The following ZEB1 variants were observed in gnomAD, a reference collection of about 807,000 sequenced individuals.
ZEB1 encodes the protein zinc finger E-box-binding homeobox 1.
ZEB1 carries 21 observed loss-of-function variants against 84.9 expected under a neutral mutation model. The observed-to-expected ratio is 0.25, with a 90% confidence interval of 0.18 to 0.36. The LOEUF (loss-of-function observed/expected upper bound fraction) is 0.36, where lower values mean the gene tolerates loss of function less well. Ranked by LOEUF, ZEB1 falls within the 10% of genes least tolerant of loss-of-function variation. The pLI is 1.00. For synonymous variants in ZEB1, 420 were observed against 471.1 expected (o/e 0.89, Z 1.41); for missense variants, 1,104 against 1,330.2 (o/e 0.83, Z 2.65).
intron 1 of ZEB1, among the ~76,000 whole-genome samples, chr10:31,347,119 T>C (rs891673227): frequency 6.6e-6 from 1 of 152,158 alleles, no homozygotes; most frequent in African/African-American, 2.4e-5. Context: ...ATTTTTTAAC[T>C]ACCTTCAAGT....
chr10:31,381,203 A>G (rs2047565491), intron 1 of ZEB1, among the ~76,000 whole-genome samples: 1 of 152,200 alleles, frequency 6.6e-6, no homozygotes, highest in South Asian at 2.1e-4. Flanking sequence ...TAAAACTAAA[A>G]TATTTCATTT....
intron 2 of ZEB1, among the ~76,000 whole-genome samples, chr10:31,485,379 A>G (rs1013569513): frequency 4.0e-5 from 6 of 151,836 alleles, no homozygotes; most frequent in Non-Finnish European, 5.9e-5. Context: ...CCCAAAGTCT[A>G]CTCACGGACC....
intron 8 of ZEB1, among the ~76,000 whole-genome samples, chr10:31,525,517 T>C (rs558309061): frequency 6.6e-6 from 1 of 152,252 alleles, no homozygotes; most frequent in African/African-American, 2.4e-5. Flanking sequence ...TCCAGCACAC[T>C]CCTGTGTCTC....
chr10:31,468,136 C>G (rs1018626032), intron 2 of ZEB1, among the ~76,000 whole-genome samples: 3 of 152,172 alleles, frequency 2.0e-5, no homozygotes, highest in Non-Finnish European at 4.4e-5. Context: ...CCCTACAGCC[C>G]TACCAAGGTC....
At chr10:31,408,944 C>G (rs1440072488) in intron 1 of ZEB1, among the ~76,000 whole-genome samples, 1 of 150,334 alleles carries the variant, frequency 6.7e-6, no homozygotes, top group Non-Finnish European at 1.5e-5. Context: ...AAACTACCAT[C>G]AGAGTGAACA....
intron 2 of ZEB1, among the ~76,000 whole-genome samples, chr10:31,478,418 T>C (rs1171699135): frequency 6.6e-6 from 1 of 151,994 alleles, no homozygotes; most frequent in Non-Finnish European, 1.5e-5. Context: ...TGCAAATTAG[T>C]ACAACCGCTA....
rs1424074584 is a variant in ZEB1 at position 31,418,162 on chromosome 10, C to T, written c.59-42875C>T. 2.6e-5 allele frequency among the ~76,000 whole-genome samples: 4 copies of T among 151,966 alleles called. 1 individual carries two copies. Among genetic ancestry groups the T allele is most frequent in the Admixed American group, 2.0e-4 (3 of 15,252 alleles). On this transcript the variant is annotated intron_variant, in intron 1 of 8. Coordinates refer to ENST00000424869, the MANE Select transcript of ZEB1 (RefSeq NM_001174096.2). ...ACCTGGAAGTCAAATATCCAGCATG[C>T]ACTCCCTAAAGAGTGCCACCCTAAA...
At chr10:31,481,673 A>G (rs1295398556) in intron 2 of ZEB1, among the ~76,000 whole-genome samples, 2 of 151,984 alleles carry the variant, frequency 1.3e-5, no homozygotes, top group Non-Finnish European at 2.9e-5. Flanking sequence ...ATGAATGACT[A>G]AATGAATGAA....
intron 1 of ZEB1, among the ~76,000 whole-genome samples, chr10:31,455,798 A>T (rs1465731733): frequency 6.6e-6 from 1 of 152,222 alleles, no homozygotes; most frequent in Non-Finnish European, 1.5e-5. Context: ...GAACACTTTT[A>T]CACTGTTGTG....
intron 1 of ZEB1, among the ~76,000 whole-genome samples, chr10:31,322,299 G>A (rs2034303983): frequency 6.6e-6 from 1 of 152,216 alleles, no homozygotes; most frequent in Non-Finnish European, 1.5e-5. Flanking sequence ...AGTTGCAGAT[G>A]TTTATTGGAG....
At chr10:31,488,759 A>C (rs1003393685) in intron 2 of ZEB1, among the ~76,000 whole-genome samples, 1 of 151,118 alleles carries the variant, frequency 6.6e-6, no homozygotes, top group Non-Finnish European at 1.5e-5. Context: ...TCTCTAAATC[A>C]GTTTATTAAT....
chr10:31,484,741 A>G (rs1379962942), intron 2 of ZEB1, among the ~76,000 whole-genome samples: 1 of 151,984 alleles, frequency 6.6e-6, no homozygotes, highest in Non-Finnish European at 1.5e-5. Flanking sequence ...ACAGAAAAGG[A>G]ATGATAATGA....
At chr10:31,423,921 A>G (rs2056569882) in intron 1 of ZEB1, among the ~76,000 whole-genome samples, 1 of 152,040 alleles carries the variant, frequency 6.6e-6, no homozygotes, top group South Asian at 2.1e-4. Context: ...CTCCAGAATA[A>G]TAAGGATAGT....
Position 31,523,657 on chromosome 10 carries a change from G to T in ZEB1, c.2605-276G>T, listed in dbSNP as rs149624303. Among the ~76,000 whole-genome samples, 533 of 152,246 alleles carry T rather than the reference G, an allele frequency of 3.5e-3. 6 individuals carry two copies. Among genetic ancestry groups the T allele is most frequent in the Middle Eastern group, 0.017 (5 of 294 alleles). On this transcript the variant is annotated intron_variant, in intron 7 of 8. Transcript: ENST00000424869. ...ATATTTTACATGCTTTCTTTTCGGTGTCCTTGCTTTCTTTCCAGTACCAGT... is the reference window on the plus strand; with the variant it reads ...ATATTTTACATGCTTTCTTTTCGGTTTCCTTGCTTTCTTTCCAGTACCAGT...
At chr10:31,504,323 T>G (rs1472465508) in intron 4 of ZEB1, among the ~76,000 whole-genome samples, 1 of 152,124 alleles carries the variant, frequency 6.6e-6, no homozygotes, top group South Asian at 2.1e-4. Flanking sequence ...TGTGTGTCTG[T>G]TTTTTACTAA....
In ZEB1 at chr10:31,368,872, G is replaced by T. The variant is rs144839203; in HGVS notation, c.58+49580G>T. 3.6e-3 allele frequency among the ~76,000 whole-genome samples: 547 copies of T among 152,274 alleles called. 2 individuals are homozygous for T. The highest frequency in any genetic ancestry group is 0.013 in the African/African-American group (524 of 41,558). ...ACTGCCTGTCCAAAATAATTTTGATGAATGATTTTAGGTGTTGCCTAATAA... is the reference window on the plus strand; with the variant it reads ...ACTGCCTGTCCAAAATAATTTTGATTAATGATTTTAGGTGTTGCCTAATAA... On this transcript the variant is annotated intron_variant, in intron 1 of 8. Coordinates refer to ENST00000424869, the MANE Select transcript of ZEB1 (RefSeq NM_001174096.2).
At chr10:31,427,072 T>C (rs1414958023) in intron 1 of ZEB1, among the ~76,000 whole-genome samples, 3 of 151,828 alleles carry the variant, frequency 2.0e-5, no homozygotes, top group African/African-American at 2.4e-5. Context: ...TTACAAGATA[T>C]CAAAATATGT....
chr10:31,365,595 A>G (rs1335383214), intron 1 of ZEB1, among the ~76,000 whole-genome samples: 1 of 152,196 alleles, frequency 6.6e-6, no homozygotes, highest in Non-Finnish European at 1.5e-5. Context: ...CATACCTTAT[A>G]CTGTTGAGTT....
intron 1 of ZEB1, among the ~76,000 whole-genome samples, chr10:31,327,099 C>CTTTTTTTTTTTTTTT (rs71527629): frequency 3.8e-4 from 32 of 84,920 alleles, no homozygotes; most frequent in African/African-American, 6.2e-4. Context: ...CTTTTCTTTT[C>CTTTTTTTTTTTTTTT]TTTTTTTTTT....
Sources: gnomAD v4.1 joint callset for allele counts (sites outside exome capture counted in the v4.1 genomes callset) on GRCh38, gnomAD v4.1.1 for gene constraint, MANE v1.5 for transcripts, NCBI Gene and HGNC (gene_info 2026-07-23, HGNC 2026-07-21) for gene names.